RPA3: variants seen among roughly 807,000 people sequenced by gnomAD.
RPA3 encodes replication protein A3, also known as replication protein A 14 kDa subunit.
In RPA3, 24 loss-of-function variants were observed where a neutral mutation model predicts 13.7. That is an observed-to-expected ratio of 1.75 (90% CI 1.27 to 2.46). The LOEUF is 2.46. Among genes scored for constraint, RPA3 ranks in the 30% most tolerant of loss-of-function variants. The probability of loss-of-function intolerance (pLI) is 0.00; values close to 1 mark genes in which losing one functional copy is unlikely to be tolerated. For missense variants in RPA3, 183 were observed against 151.0 expected (o/e 1.21, Z -1.11); for synonymous variants, 59 against 51.2 (o/e 1.15, Z -0.65).
At chr7:7,669,228 T>C (rs962906114) in intron 4 of RPA3, among the ~76,000 whole-genome samples, 2 of 152,236 alleles carry the variant, frequency 1.3e-5, no homozygotes, top group East Asian at 1.9e-4. Flanking sequence ...ATGTCCCCCA[T>C]GGATAAGGAG....
Position 7,640,669 on chromosome 7 carries a change from C to A in RPA3, c.-251G>T. 1 of 510,276 alleles carries A rather than the reference C, an allele frequency of 2.0e-6. No homozygotes were observed. The highest frequency in any genetic ancestry group is 3.5e-6 in the Non-Finnish European group (1 of 284,724). 31.6% of individuals were successfully genotyped at this position (510,276 alleles called of 1,614,324 possible). A position where few individuals can be genotyped will look rare whatever the true frequency, so the allele number is the denominator to read the frequency against. ...GCGGCGTCCCGGAAGTTGACAGATACAGGGCGAGAGGCAGTGGAGGCGGGA... is the reference window on the plus strand; with the variant it reads ...GCGGCGTCCCGGAAGTTGACAGATAAAGGGCGAGAGGCAGTGGAGGCGGGA... On this transcript the variant is annotated 5_prime_UTR_variant, in exon 5 of 8. Transcript: ENST00000223129.
At chr7:7,689,304 T>C (rs796404122) in intron 2 of RPA3, 9 of 152,326 alleles carry the variant, frequency 5.9e-5, no homozygotes, top group African/African-American at 2.2e-4. Context: ...TGGCTGATGA[T>C]GTTTTATCTA....
intron 2 of RPA3, among the ~76,000 whole-genome samples, chr7:7,705,321 T>C (rs187575286): frequency 2.2e-4 from 33 of 152,348 alleles, no homozygotes; most frequent in African/African-American, 7.2e-4. Flanking sequence ...AATAGAATCT[T>C]AAAAATGTTT....
intron 4 of RPA3, among the ~76,000 whole-genome samples, chr7:7,652,461 A>G (rs898888496): frequency 6.6e-6 from 1 of 152,238 alleles, no homozygotes; most frequent in Non-Finnish European, 1.5e-5. Flanking sequence ...GAAGCAAGTC[A>G]TTAGACAGCT....
intron 4 of RPA3, among the ~76,000 whole-genome samples, chr7:7,663,339 A>T (rs1221645542): frequency 1.6e-5 from 2 of 125,250 alleles, no homozygotes; most frequent in African/African-American, 5.8e-5. Flanking sequence ...AGAGAGGTGG[A>T]AGTAAAATTT....
intron 2 of RPA3, among the ~76,000 whole-genome samples, chr7:7,694,016 G>C (rs1780244052): frequency 6.6e-6 from 1 of 152,032 alleles, no homozygotes; most frequent in Admixed American, 6.6e-5. Flanking sequence ...TTGATATAAG[G>C]CAACTGAGTT....
Position 7,660,741 on chromosome 7 carries a change from C to T in RPA3, c.-757-19566G>A, listed in dbSNP as rs539643888. 7.2e-5 allele frequency among the ~76,000 whole-genome samples: 11 copies of T among 152,226 alleles called. No homozygotes were observed. The South Asian group carries it at 2.3e-3, about 32-fold the overall frequency. On this transcript the variant is annotated intron_variant, in intron 4 of 7. Coordinates refer to ENST00000223129, the MANE Select transcript of RPA3 (RefSeq NM_002947.5). ...CTCTGGCTGCCCTTAACATTTTTTC[C>T]TTCATTTCAACCTTGGTGAATCTGG... is the stretch of plus-strand genomic sequence containing the variant.
intron 1 of RPA3, among the ~76,000 whole-genome samples, chr7:7,716,084 A>G (rs1780894795): frequency 6.6e-6 from 1 of 152,202 alleles, no homozygotes; most frequent in Non-Finnish European, 1.5e-5. Flanking sequence ...AAATGAAATT[A>G]TGGATGCAGA....
chr7:7,666,140 G>C (rs569371859), intron 4 of RPA3, among the ~76,000 whole-genome samples: 21 of 152,206 alleles, frequency 1.4e-4, no homozygotes, highest in African/African-American at 4.8e-4. Flanking sequence ...AAGAGTTCCA[G>C]TTGCTCCATA....
chr7:7,640,324 T>C lies in RPA3; in HGVS notation c.95A>G (p.Glu32Gly). 6.2e-7 allele frequency: 1 copy of C among 1,613,962 alleles called. No individual in the cohort carries two copies. The highest frequency in any genetic ancestry group is 1.3e-5 in the African/African-American group (1 of 75,010). The change falls in exon 5 of 8, where the codon GAA (glutamate) becomes GGA (glycine). Residue 32 changes from glutamate to glycine, a missense_variant. Transcript: ENST00000223129. ...DKPVCFVGRL[E>G]KIHPTGKMFI... ...CATGATTGCGAACCCGCACACCTTTTCCAGCCTCCCTACGAAGCAGACAGG... is the reference window on the plus strand; with the variant it reads ...CATGATTGCGAACCCGCACACCTTTCCCAGCCTCCCTACGAAGCAGACAGG...
chr7:7,680,810 A>G (rs998368367), intron 4 of RPA3, among the ~76,000 whole-genome samples: 2 of 151,890 alleles, frequency 1.3e-5, no homozygotes, highest in African/African-American at 4.8e-5. Context: ...AGCTTTATAA[A>G]TGGGATTACT....
chr7:7,637,953 C>T lies in RPA3; in HGVS notation c.194G>A (p.Gly65Glu). The part of the protein sequence containing the change: ...LMEPLDEEIS[G>E]IVEVVGRVTA... ...TACTCTTCCAACCACTTCCACAATT[C>T]CAGAGATTTCTTCATCAAGCTAAGA... Residue 65 changes from glycine (G) to glutamate (E), a missense_variant, in exon 7 of 8, where the codon GGA becomes GAA. By Grantham distance (98) the Gly-to-Glu change is moderately conservative (BLOSUM62 -2). Coordinates refer to ENST00000223129, the MANE Select transcript of RPA3 (RefSeq NM_002947.5). 2.5e-6 allele frequency: 4 copies of T among 1,613,288 alleles called. No individual in the cohort carries two copies. Among genetic ancestry groups the T allele is most frequent in the Admixed American group, 1.7e-5 (1 of 60,010 alleles).
intron 2 of RPA3, among the ~76,000 whole-genome samples, chr7:7,700,078 T>C (rs1780420365): frequency 6.6e-6 from 1 of 152,236 alleles, no homozygotes; most frequent in Admixed American, 6.5e-5. Context: ...CAGTCTGGGC[T>C]CCTTTAACAA....
chr7:7,704,093 G>T (rs1391850658), intron 2 of RPA3, among the ~76,000 whole-genome samples: 1 of 152,200 alleles, frequency 6.6e-6, no homozygotes, highest in African/African-American at 2.4e-5. Flanking sequence ...GTATCTGTGT[G>T]TGAGGCTGTG....
At chr7:7,656,780 C>T (rs1033817063) in intron 4 of RPA3, among the ~76,000 whole-genome samples, 14 of 152,174 alleles carry the variant, frequency 9.2e-5, no homozygotes, top group Non-Finnish European at 1.2e-4. Flanking sequence ...AACATACGTG[C>T]GCATGTGTCT....
At chr7:7,682,116 G>T (rs1015708684) in intron 4 of RPA3, among the ~76,000 whole-genome samples, 1 of 152,118 alleles carries the variant, frequency 6.6e-6, no homozygotes, top group African/African-American at 2.4e-5. Flanking sequence ...TACAGTACAA[G>T]GGAAATGCAT....
In RPA3 at chr7:7,636,928, C is replaced by T. The variant is rs1253131823; in HGVS notation, c.*72G>A. Reference sequence around the variant, plus strand: ...TATGAGAAAGCACAGAAATCTCTCCCTCAAACAAGAAGGGCTTCCTTTAAT... The same window carrying T: ...TATGAGAAAGCACAGAAATCTCTCCTTCAAACAAGAAGGGCTTCCTTTAAT... On this transcript the variant is annotated 3_prime_UTR_variant, in exon 8 of 8. Coordinates refer to ENST00000223129, the MANE Select transcript of RPA3 (RefSeq NM_002947.5). 143 of 1,118,726 alleles carry T rather than the reference C, an allele frequency of 1.3e-4. 2 individuals carry two copies. In the South Asian group the frequency reaches 1.7e-3, roughly 14 times the overall value. 69.3% of individuals were successfully genotyped at this position (1,118,726 alleles called of 1,614,324 possible).
chr7:7,673,730 GA>G (rs1779672277), intron 4 of RPA3, among the ~76,000 whole-genome samples: 1 of 150,372 alleles, frequency 6.7e-6, no homozygotes, highest in African/African-American at 2.5e-5. Flanking sequence ...TTTAACTGTG[GA>G]AAATCTAAAG....
chr7:7,702,470 C>G (rs936358298), intron 2 of RPA3, among the ~76,000 whole-genome samples: 4 of 152,128 alleles, frequency 2.6e-5, no homozygotes, highest in African/African-American at 9.7e-5. Flanking sequence ...ACCTGGCTTT[C>G]AAGTACACTC....
Sources: gnomAD v4.1 joint callset for allele counts (sites outside exome capture counted in the v4.1 genomes callset) on GRCh38, gnomAD v4.1.1 for gene constraint, MANE v1.5 for transcripts, NCBI Gene and HGNC (gene_info 2026-07-23, HGNC 2026-07-21) for gene names.